Variants in MYO3A observed in about 807,000 individuals in gnomAD.
The protein encoded by MYO3A is myosin IIIA.
In MYO3A, 180 loss-of-function variants were observed where a neutral mutation model predicts 192.7. The ratio of observed to expected loss-of-function variants is 0.93; its 90% CI spans 0.83 to 1.06. MYO3A has a LOEUF of 1.06. Ranked by LOEUF, MYO3A falls within the 50% of genes least tolerant of loss-of-function variation. MYO3A has a pLI of 0.00. For synonymous variants in MYO3A, 628 were observed against 645.3 expected (o/e 0.97, Z 0.41); for missense variants, 1,896 against 1,905.0 (o/e 1.00, Z 0.09).
At position 26,002,659 on chromosome 10, in the gene MYO3A, C is replaced by T. The variant is rs561520994; in HGVS notation, c.508+5401C>T. On this transcript the variant is annotated intron_variant, in intron 6 of 34. Coordinates refer to ENST00000642920, the MANE Select transcript of MYO3A (RefSeq NM_017433.5). Reference sequence around the variant, plus strand: ...AATGAGTCAGGGTGGACCAGGTAATCGGAATGAGTCAGGGTGGAGCAGGTG... The same window carrying T: ...AATGAGTCAGGGTGGACCAGGTAATTGGAATGAGTCAGGGTGGAGCAGGTG... Among the ~76,000 whole-genome samples the T allele has an allele frequency of 2.6e-5, 4 of 151,600 alleles. 1 individual carries two copies. In the East Asian group the frequency reaches 5.8e-4, roughly 22 times the overall value.
Position 26,030,391 on chromosome 10 carries a change from G to A in MYO3A, c.953+3859G>A, listed in dbSNP as rs546086140. On this transcript the variant is annotated intron_variant, in intron 10 of 34. Transcript: ENST00000642920. ...CGTATGTTTGGAAGAGGTGGGAGTT[G>A]AACTTGAATCTTTACCCACAACACT... 7.8e-4 allele frequency among the ~76,000 whole-genome samples: 118 copies of A among 152,038 alleles called. 1 individual carries two copies. The highest frequency in any genetic ancestry group is 1.2e-3 in the Admixed American group (19 of 15,260).
At position 26,002,595 on chromosome 10, in the gene MYO3A, C is replaced by CAGGTAATCGGAATGAGTCACGGTGGACT. The variant is rs1564448324; in HGVS notation, c.508+5356_508+5357insCGGTGGACTAGGTAATCGGAATGAGTCA. On this transcript the variant is annotated intron_variant, in intron 6 of 34. Coordinates refer to ENST00000642920, the MANE Select transcript of MYO3A (RefSeq NM_017433.5). Reference sequence around the variant, plus strand: ...GTAATCGGAATAAGTCAGGGTGGACCAGGTAATCGGAATGAGTCAGGGTGG... The same window carrying CAGGTAATCGGAATGAGTCACGGTGGACT: ...GTAATCGGAATAAGTCAGGGTGGACCAGGTAATCGGAATGAGTCACGGTGGACTAGGTAATCGGAATGAGTCAGGGTGG... Among the ~76,000 whole-genome samples the CAGGTAATCGGAATGAGTCACGGTGGACT allele has an allele frequency of 3.8e-3, 557 of 146,184 alleles. 10 individuals are homozygous for CAGGTAATCGGAATGAGTCACGGTGGACT. The highest frequency in any genetic ancestry group is 4.4e-3 in the Non-Finnish European group (294 of 66,832).
intron 4 of MYO3A, among the ~76,000 whole-genome samples, chr10:25,959,411 T>A (rs1258863490): frequency 1.3e-5 from 2 of 152,166 alleles, no homozygotes; most frequent in African/African-American, 4.8e-5. Context: ...AGTTTAGTGG[T>A]GCCACCTTCT....
intron 14 of MYO3A, among the ~76,000 whole-genome samples, chr10:26,074,699 A>G (rs938978514): frequency 6.6e-6 from 1 of 150,568 alleles, no homozygotes; most frequent in African/African-American, 2.4e-5. Flanking sequence ...CTGCCATTTC[A>G]TTTTGGTGAT....
At chr10:26,008,721 G>T (rs1444329761) in intron 6 of MYO3A, among the ~76,000 whole-genome samples, 1 of 147,974 alleles carries the variant, frequency 6.8e-6, no homozygotes, top group Non-Finnish European at 1.5e-5. Context: ...TAAAAAGTCA[G>T]GAAACAACAG....
intron 21 of MYO3A, 97 bp downstream of exon 21, chr10:26,143,698 T>A: frequency 1.4e-6 from 2 of 1,447,494 alleles, no homozygotes; most frequent in Non-Finnish European, 1.9e-6. Context: ...TGGAAGAAAA[T>A]AGCTGTCACA....
chr10:26,007,065 G>C (rs1197169497), intron 6 of MYO3A, among the ~76,000 whole-genome samples: 1 of 147,500 alleles, frequency 6.8e-6, no homozygotes, highest in Non-Finnish European at 1.5e-5. Flanking sequence ...TGGGATGCAA[G>C]GCTGGTTCAA....
At position 26,068,611 on chromosome 10, in the gene MYO3A, T is replaced by G. The variant is rs866868645; in HGVS notation, c.1054-157T>G. 4.6e-5 allele frequency among the ~76,000 whole-genome samples: 7 copies of G among 152,322 alleles called. No homozygotes were observed. The Middle Eastern group carries it at 0.01, about 222-fold the overall frequency. On this transcript the variant is annotated intron_variant, in intron 11 of 34. Transcript: ENST00000642920. ...AATGGCTGTCAAGTGAATGAGTAGT[T>G]GCAGAGCTGATGTTACATGTTTTTT...
At chr10:25,955,072 A>AT in intron 4 of MYO3A, 64 bp downstream of exon 4, 1 of 1,567,086 alleles carries the variant, frequency 6.4e-7, no homozygotes, top group African/African-American at 1.4e-5. Context: ...ATGACTTGTT[A>AT]TACTATTTAT....
chr10:25,954,920 T>C lies in MYO3A; in HGVS notation c.215T>C (p.Leu72Pro), dbSNP rs1296305721. The C allele has an allele frequency of 6.2e-7, 1 of 1,612,386 alleles. No individual in the cohort carries two copies. Among genetic ancestry groups the C allele is most frequent in the Non-Finnish European group, 8.5e-7 (1 of 1,178,796 alleles). ...GCAGAATATAACATCTTAAAAGCAC[T>C]TTCTGACCACCCTAATGTGGTCAGA... is the stretch of plus-strand genomic sequence containing the variant. ...IEAEYNILKA[L>P]SDHPNVVRFY... The change falls in exon 4 of 35, where the codon CTT becomes CCT. Residue 72 changes from leucine (L) to proline (P), a missense_variant. Physicochemically the swap from Leu to Pro is moderately conservative, Grantham distance 98. Transcript: ENST00000642920.
At chr10:25,971,530 G>T (rs1838644605) in intron 4 of MYO3A, among the ~76,000 whole-genome samples, 1 of 151,824 alleles carries the variant, frequency 6.6e-6, no homozygotes, top group East Asian at 1.9e-4. Flanking sequence ...TAATAAGTTG[G>T]TTCTGCTAAC....
intron 15 of MYO3A, among the ~76,000 whole-genome samples, chr10:26,089,504 GGGA>G: frequency 6.6e-6 from 1 of 152,096 alleles, no homozygotes; most frequent in South Asian, 2.1e-4. Context: ...GGGAGGCTGA[GGGA>G]GGAGAATGGC....
At chr10:26,007,913 C>T (rs1019097666) in intron 6 of MYO3A, among the ~76,000 whole-genome samples, 1 of 152,082 alleles carries the variant, frequency 6.6e-6, no homozygotes, top group African/African-American at 2.4e-5. Context: ...AAAAAAGAGC[C>T]TGCATCGCTA....
Position 26,079,223 on chromosome 10 carries a change from C to T in MYO3A, c.1359+8822C>T, listed in dbSNP as rs187239534. ...TTAGGTGCACATATGTTTAGGATTG[C>T]GATATTTTCCTCTTGGACAAGGCCT... On this transcript the variant is annotated intron_variant, in intron 14 of 34. Transcript: ENST00000642920. Among the ~76,000 whole-genome samples the T allele has an allele frequency of 8.0e-3, 1,223 of 152,042 alleles. 12 individuals are homozygous for T. The highest frequency in any genetic ancestry group is 0.011 in the Non-Finnish European group (743 of 67,892).
Position 26,072,742 on chromosome 10 carries a change from C to G in MYO3A, c.1359+2341C>G, listed in dbSNP as rs541758089. On this transcript the variant is annotated intron_variant, in intron 14 of 34. Transcript: ENST00000642920. ...TGGGACTATTGGGTTTCATATGGAGCAACTGGAATGCTCATATATTTCTGG... is the reference window on the plus strand; with the variant it reads ...TGGGACTATTGGGTTTCATATGGAGGAACTGGAATGCTCATATATTTCTGG... Among the ~76,000 whole-genome samples, 31 of 151,556 alleles carry G rather than the reference C, an allele frequency of 2.0e-4. No homozygotes were observed. The South Asian group carries it at 6.3e-3, about 31-fold the overall frequency.
intron 6 of MYO3A, among the ~76,000 whole-genome samples, chr10:26,004,576 T>A (rs1351038536): frequency 2.0e-5 from 3 of 152,120 alleles, no homozygotes; most frequent in Non-Finnish European, 4.4e-5. Flanking sequence ...TTAAATGTAA[T>A]TCTCAACTAA....
Position 25,996,500 on chromosome 10 carries a change from G to T in MYO3A, c.314G>T (p.Gly105Val). The stretch of plus-strand genomic sequence containing the variant: ...AATATTCTTGTTTAGCTCTGCAGTG[G>T]AGGATCAGTGACTGACCTTGTGAAA... ...KLWLVLELCS[G>V]GSVTDLVKGF... The change falls in exon 5 of 35, where the codon GGA becomes GTA. Residue 105 changes from glycine (G) to valine (V), a missense_variant. By Grantham distance (109) the Gly-to-Val change is moderately radical. Transcript: ENST00000642920. 1 of 1,613,638 alleles carries T rather than the reference G, an allele frequency of 6.2e-7. No individual in the cohort carries two copies.
chr10:26,176,742 AT>A lies in MYO3A; in HGVS notation c.4337del (p.Leu1446Ter). On this transcript the variant is annotated frameshift_variant, in exon 31 of 35. Transcript: ENST00000642920. LOFTEE classifies it high-confidence loss of function. ...AAGAATATTTCATTCTGCAGAAAAA[AT>A]TGAATGAAATGATTTTGTCACAGCA... ...SEEYFILQKK[L>X]NEMILSQQLK... 6.2e-7 allele frequency: 1 copy of A among 1,611,408 alleles called. No homozygotes were observed. The highest frequency in any genetic ancestry group is 8.5e-7 in the Non-Finnish European group (1 of 1,177,506).
intron 8 of MYO3A, chr10:26,022,466 A>T (rs1282435355): frequency 6.6e-6 from 1 of 152,238 alleles, no homozygotes; most frequent in African/African-American, 2.4e-5. Flanking sequence ...CTAAATTATT[A>T]TAAGACTAAA....
Sources: allele counts gnomAD v4.1 joint callset (sites outside exome capture counted in the v4.1 genomes callset), GRCh38; gene constraint gnomAD v4.1.1; transcripts MANE v1.5; gene names NCBI Gene and HGNC (gene_info 2026-07-23, HGNC 2026-07-21).